CPE: variants seen among roughly 807,000 people sequenced by gnomAD.
CPE encodes the protein carboxypeptidase E.
Under a neutral mutation model 53.5 loss-of-function variants are expected in CPE, and 17 were observed. The ratio of observed to expected loss-of-function variants is 0.32; its 90% CI spans 0.22 to 0.48. The LOEUF is 0.48. Ranked by LOEUF, CPE falls within the 20% of genes least tolerant of loss-of-function variation. The pLI, the probability that CPE is intolerant of heterozygous loss-of-function variation, is 0.99. For synonymous variants in CPE, 226 were observed against 228.8 expected (o/e 0.99, Z 0.11); for missense variants, 524 against 614.7 (o/e 0.85, Z 1.56).
chr4:165,484,622 T>C lies in CPE; in HGVS notation c.973+18T>C. 6.2e-7 allele frequency: 1 copy of C among 1,608,856 alleles called. No homozygotes were observed. The highest frequency in any genetic ancestry group is 8.5e-7 in the Non-Finnish European group (1 of 1,176,368). On this transcript the variant is annotated intron_variant, in intron 5 of 8. Transcript: ENST00000402744. ...ACCTGGAGGTGAGTTTCCATTGTGC[T>C]CTCTGATTATGTGATTGTAGCTTAT... is the stretch of plus-strand genomic sequence containing the variant.
chr4:165,465,793 G>A (rs376554077), intron 2 of CPE, among the ~76,000 whole-genome samples: 1 of 151,912 alleles, frequency 6.6e-6, no homozygotes, highest in South Asian at 2.1e-4. Flanking sequence ...AGTCTATAAC[G>A]CATGTTAAAT....
intron 3 of CPE, among the ~76,000 whole-genome samples, chr4:165,479,456 G>C (rs940131890): frequency 1.3e-5 from 2 of 151,876 alleles, no homozygotes; most frequent in African/African-American, 4.9e-5. Context: ...AATACTTAGA[G>C]GGGGATAGAA....
chr4:165,383,811 G>GTAACAACT (rs1204849274), intron 1 of CPE, among the ~76,000 whole-genome samples: 3 of 152,198 alleles, frequency 2.0e-5, no homozygotes, highest in African/African-American at 7.2e-5. Flanking sequence ...TTACAACTAA[G>GTAACAACT]TAACAACTTA....
chr4:165,435,230 A>G (rs1731478210), intron 1 of CPE, among the ~76,000 whole-genome samples: 1 of 152,246 alleles, frequency 6.6e-6, no homozygotes, highest in Non-Finnish European at 1.5e-5. Flanking sequence ...AGGAAAAAAG[A>G]TGGAAAAGCA....
rs10028540 is a variant in CPE at position 165,405,665 on chromosome 4, A to G, written c.307+26137A>G. 143 of 782,200 alleles carry G rather than the reference A, an allele frequency of 1.8e-4. 1 individual carries two copies. In the African/African-American group the frequency reaches 2.2e-3, roughly 12 times the overall value. The allele number at this position is 782,200 out of a possible 1,614,324, so 48.5% of individuals were successfully genotyped here. A position where few individuals can be genotyped will look rare whatever the true frequency, so the allele number is the denominator to read the frequency against. On this transcript the variant is annotated intron_variant, in intron 1 of 8. Coordinates refer to ENST00000402744, the MANE Select transcript of CPE (RefSeq NM_001873.4). The stretch of plus-strand genomic sequence containing the variant: ...ACTTCTTCTAGGTATTTGATTGTCC[A>G]TTCCTCTGGAAGTTTTAGTCCTGGT...
chr4:165,489,379 A>G (rs1732561824), intron 6 of CPE, among the ~76,000 whole-genome samples: 1 of 152,202 alleles, frequency 6.6e-6, no homozygotes, highest in African/African-American at 2.4e-5. Context: ...GACTAGTTTC[A>G]CATCCCAGGC....
intron 7 of CPE, among the ~76,000 whole-genome samples, chr4:165,493,517 C>G (rs975534064): frequency 2.0e-5 from 3 of 152,094 alleles, no homozygotes; most frequent in Admixed American, 6.5e-5. Context: ...GCTATCTCGC[C>G]CCAGAGCTGG....
chr4:165,497,231 T>G (rs1732717403), intron 8 of CPE, among the ~76,000 whole-genome samples: 1 of 152,170 alleles, frequency 6.6e-6, no homozygotes, highest in African/African-American at 2.4e-5. Flanking sequence ...GTTACATCTT[T>G]TTATGAGGAG....
At chr4:165,496,712 C>T (rs1405558956) in intron 8 of CPE, among the ~76,000 whole-genome samples, 1 of 152,112 alleles carries the variant, frequency 6.6e-6, no homozygotes, top group Admixed American at 6.6e-5. Context: ...GATTCCCATT[C>T]ACAAAGAGAG....
Position 165,464,436 on chromosome 4 carries a change from T to C in CPE, c.354T>C (p.Ala118=), listed in dbSNP as rs35471746. 1.2e-6 allele frequency: 2 copies of C among 1,612,964 alleles called. No homozygotes were observed. Among genetic ancestry groups the C allele is most frequent in the African/African-American group, 2.7e-5 (2 of 74,858 alleles). The change falls in exon 2 of 9, where the codon GCT becomes GCC. Residue 118 remains alanine, a synonymous_variant. Transcript: ENST00000402744. ...TTGGGAATATGCATGGGAATGAGGC[T>C]GTTGGACGAGAACTGCTCATTTTCT... ...KYIGNMHGNE[A]VGRELLIFLA...
chr4:165,398,310 G>A (rs1039242809), intron 1 of CPE, among the ~76,000 whole-genome samples: 5 of 151,898 alleles, frequency 3.3e-5, no homozygotes, highest in Admixed American at 1.3e-4. Flanking sequence ...AGGACTATTA[G>A]CCTACAACTG....
At chr4:165,452,443 A>G (rs1300529568) in intron 1 of CPE, among the ~76,000 whole-genome samples, 1 of 152,198 alleles carries the variant, frequency 6.6e-6, no homozygotes, top group East Asian at 1.9e-4. Context: ...TACCATTAAA[A>G]AAAGAAAATA....
chr4:165,462,746 C>T (rs1467971337), intron 1 of CPE, among the ~76,000 whole-genome samples: 1 of 152,122 alleles, frequency 6.6e-6, no homozygotes, highest in Admixed American at 6.6e-5. Context: ...AGAGACTCTC[C>T]CTCAAAGTAA....
chr4:165,477,214 A>G (rs1732319601), intron 3 of CPE, among the ~76,000 whole-genome samples: 1 of 152,206 alleles, frequency 6.6e-6, no homozygotes, highest in Non-Finnish European at 1.5e-5. Flanking sequence ...CATAATCTCT[A>G]GATTAGATGT....
At chr4:165,432,648 T>C (rs1207317085) in intron 1 of CPE, among the ~76,000 whole-genome samples, 1 of 152,102 alleles carries the variant, frequency 6.6e-6, no homozygotes, top group Non-Finnish European at 1.5e-5. Flanking sequence ...TTTCAGAGAG[T>C]AGCGTAAGAA....
chr4:165,423,697 G>T (rs1731266623), intron 1 of CPE, among the ~76,000 whole-genome samples: 1 of 151,390 alleles, frequency 6.6e-6, no homozygotes, highest in South Asian at 2.1e-4. Flanking sequence ...CAATGTGCAG[G>T]TTAGTTACAT....
At chr4:165,439,734 C>A (rs1043405181) in intron 1 of CPE, among the ~76,000 whole-genome samples, 1 of 151,990 alleles carries the variant, frequency 6.6e-6, no homozygotes, top group Non-Finnish European at 1.5e-5. Context: ...TATATATTTA[C>A]GGTTGCTGCT....
intron 3 of CPE, among the ~76,000 whole-genome samples, chr4:165,478,955 T>C (rs1208929664): frequency 6.6e-6 from 1 of 152,212 alleles, no homozygotes; most frequent in Non-Finnish European, 1.5e-5. Flanking sequence ...CCTGAAGTCC[T>C]CAATGATTCT....
rs569544630 is a variant in CPE at position 165,465,378 on chromosome 4, C to G, written c.504+792C>G. 3.8e-4 allele frequency among the ~76,000 whole-genome samples: 57 copies of G among 151,766 alleles called. 1 individual carries two copies. The highest frequency in any genetic ancestry group is 1.3e-3 in the African/African-American group (55 of 41,440). On this transcript the variant is annotated intron_variant, in intron 2 of 8. Transcript: ENST00000402744. ...TCTGTAAATAAATATAAAATTGATA[C>G]GATTTCTAAAGTTATGAGAGAAAAA...
Sources: gnomAD v4.1 joint callset for allele counts (sites outside exome capture counted in the v4.1 genomes callset) on GRCh38, gnomAD v4.1.1 for gene constraint, MANE v1.5 for transcripts, NCBI Gene and HGNC (gene_info 2026-07-23, HGNC 2026-07-21) for gene names.